Variants in PCDHGC3 observed in about 807,000 individuals in gnomAD.
PCDHGC3 encodes protocadherin gamma subfamily C, 3.
PCDHGC3 carries 26 observed loss-of-function variants against 59.2 expected under a neutral mutation model. The observed-to-expected ratio is 0.44, with a 90% CI of 0.32 to 0.61. PCDHGC3 has a LOEUF of 0.61. PCDHGC3 is among the 20% of genes least tolerant of loss of function. The probability of loss-of-function intolerance (pLI) is 0.05; values close to 1 mark genes in which losing one functional copy is unlikely to be tolerated. For missense variants in PCDHGC3, 1,080 were observed against 1,221.8 expected (o/e 0.88, Z 1.73); for synonymous variants, 487 against 519.7 (o/e 0.94, Z 0.86).
chr5:141,491,954 C>CA lies in PCDHGC3; in HGVS notation c.2431-2847dup. 1 of 1,032,920 alleles carries CA rather than the reference C, an allele frequency of 9.7e-7. No homozygotes were observed. Among genetic ancestry groups the CA allele is most frequent in the Non-Finnish European group, 1.3e-6 (1 of 747,262 alleles). 64.0% of individuals were successfully genotyped at this position (1,032,920 alleles called of 1,614,324 possible). A position where few individuals can be genotyped will look rare whatever the true frequency, so the allele number is the denominator to read the frequency against. ...TGGGACCGACCCCCACCCCTACACTCAAAAAAGGCCGGGGCCTCCTTCGAG... is the reference window on the plus strand; with the variant it reads ...TGGGACCGACCCCCACCCCTACACTCAAAAAAAGGCCGGGGCCTCCTTCGAG... On this transcript the variant is annotated intron_variant, in intron 1 of 3. Coordinates refer to ENST00000308177, the MANE Select transcript of PCDHGC3 (RefSeq NM_002588.4). This position sits in a 1 kb window ranked among gnomAD's most constrained non-coding sequence, Gnocchi z 6.9.
Position 141,505,350 on chromosome 5 carries a change from G to A in PCDHGC3, c.2490-43G>A, listed in dbSNP as rs367663588. ...AGAGGACAGGAGGGGCATGAGCTGT[G>A]CCGGCCTGGGAGTCTGTGCTCACCA... On this transcript the variant is annotated intron_variant, in intron 2 of 3. Transcript: ENST00000308177. The A allele has an allele frequency of 4.3e-6, 7 of 1,613,264 alleles. No homozygotes were observed. In the African/African-American group the frequency reaches 6.7e-5, roughly 15 times the overall value.
At chr5:141,510,056 G>C (rs1450505898) in intron 3 of PCDHGC3, among the ~76,000 whole-genome samples, 2 of 152,174 alleles carry the variant, frequency 1.3e-5, no homozygotes. Flanking sequence ...AAGTGATTGT[G>C]CATGTGAAGC....
chr5:141,477,560 T>C lies in PCDHGC3; in HGVS notation c.1444T>C (p.Trp482Arg), dbSNP rs2099412994. The C allele has an allele frequency of 1.2e-6, 2 of 1,614,078 alleles. No homozygotes were observed. Among genetic ancestry groups the C allele is most frequent in the South Asian group, 2.2e-5 (2 of 91,094 alleles). ...PGAPILNLSVWDPDAPQNARL... is the reference protein window; with the variant it reads ...PGAPILNLSVRDPDAPQNARL... ...GGCTCCAATACTAAACCTAAGTGTC[T>C]GGGACCCCGACGCCCCGCAGAATGC... The change falls in exon 1 of 4, where the codon TGG becomes CGG. Residue 482 changes from tryptophan (W) to arginine (R), a missense_variant. Physicochemically the swap from Trp to Arg is moderately radical, Grantham distance 101. Transcript: ENST00000308177. This position sits in a 1 kb window ranked among gnomAD's most constrained non-coding sequence, Gnocchi z 4.9.
chr5:141,492,005 C>T (rs1444993907), intron 1 of PCDHGC3: 2 of 642,268 alleles, frequency 3.1e-6, no homozygotes, highest in Admixed American at 7.4e-5. Flanking sequence ...GGGCGATTTC[C>T]GCGGGTGTCG....
At chr5:141,503,598 C>CAAA (rs765754054) in intron 2 of PCDHGC3, among the ~76,000 whole-genome samples, 1 of 65,748 alleles carries the variant, frequency 1.5e-5, no homozygotes. Context: ...GACTCCAGCT[C>CAAA]AAAAAAAAAA....
In PCDHGC3 at chr5:141,478,295, T is replaced by C. The variant is rs1210224121; in HGVS notation, c.2179T>C (p.Tyr727His). 3.1e-6 allele frequency: 5 copies of C among 1,614,004 alleles called. No homozygotes were observed. The highest frequency in any genetic ancestry group is 2.7e-5 in the African/African-American group (2 of 74,954). The change falls in exon 1 of 4, where the codon TAC becomes CAC. Residue 727 changes from tyrosine (Y) to histidine (H), a missense_variant. Physicochemically the swap from Tyr to His is moderately conservative, Grantham distance 83. Transcript: ENST00000308177. Reference protein sequence around the residue: ...VYKWKQSRDLYRAPVSSLYRT... With the variant: ...VYKWKQSRDLHRAPVSSLYRT... ...CAAGTGGAAGCAGTCTAGAGACCTA[T>C]ACCGAGCCCCGGTGAGCTCACTGTA... is the stretch of plus-strand genomic sequence containing the variant.
Position 141,494,802 on chromosome 5 carries a change from C to T in PCDHGC3, c.2431-5C>T. 5 of 1,614,120 alleles carry T rather than the reference C, an allele frequency of 3.1e-6. No individual in the cohort carries two copies. The highest frequency in any genetic ancestry group is 4.2e-6 in the Non-Finnish European group (5 of 1,180,016). ...TCAGCCCCTTTCCCTCTGTTTTCTC[C>T]ACAGCAAGCCCCGCCCAACACGGAC... is the stretch of plus-strand genomic sequence containing the variant. On this transcript the variant is annotated splice_polypyrimidine_tract_variant and splice_region_variant and intron_variant, in intron 1 of 3. Transcript: ENST00000308177.
chr5:141,477,749 C>A lies in PCDHGC3; in HGVS notation c.1633C>A (p.Pro545Thr), dbSNP rs2099417192. The A allele has an allele frequency of 6.2e-7, 1 of 1,613,786 alleles. No homozygotes were observed. Among genetic ancestry groups the A allele is most frequent in the African/African-American group, 1.3e-5 (1 of 74,928 alleles). ...AGCTCATATCAGCGATGGGGGCACCCCGGTCCTAGCCACCAACATCAGCGT... is the reference window on the plus strand; with the variant it reads ...AGCTCATATCAGCGATGGGGGCACCACGGTCCTAGCCACCAACATCAGCGT... ...LTAHISDGGT[P>T]VLATNISVNI... The change falls in exon 1 of 4, where the codon CCG (proline) becomes ACG (threonine). Residue 545 changes from proline (P) to threonine (T), a missense_variant. Coordinates refer to ENST00000308177, the MANE Select transcript of PCDHGC3 (RefSeq NM_002588.4). This position sits in a 1 kb window ranked among gnomAD's most constrained non-coding sequence, Gnocchi z 4.9.
intron 2 of PCDHGC3, among the ~76,000 whole-genome samples, chr5:141,495,623 C>T (rs990126072): frequency 3.3e-5 from 5 of 152,208 alleles, no homozygotes; most frequent in South Asian, 2.1e-4. Context: ...GCACCTCAGC[C>T]TCAGTCCCTT....
At position 141,476,744 on chromosome 5, in the gene PCDHGC3, CT is replaced by C; in HGVS notation, c.629del (p.Leu210ProfsTer3). ...RALDREREPSLQLVLTALDGG... is the reference protein window; with the variant it reads ...RALDREREPSXQLVLTALDGG... ...CCTGGACCGAGAACGGGAGCCTAGT[CT>C]CCAGTTAGTGCTGACGGCGTTGGAC... is the stretch of plus-strand genomic sequence containing the variant. On this transcript the variant is annotated frameshift_variant, in exon 1 of 4. Coordinates refer to ENST00000308177, the MANE Select transcript of PCDHGC3 (RefSeq NM_002588.4). LOFTEE classifies it high-confidence loss of function. The surrounding 1 kb of genome is among the most constrained non-coding windows in gnomAD (Gnocchi z 7.6). 6.2e-7 allele frequency: 1 copy of C among 1,614,046 alleles called. No homozygotes were observed. Among genetic ancestry groups the C allele is most frequent in the East Asian group, 2.2e-5 (1 of 44,884 alleles).
At position 141,485,336 on chromosome 5, in the gene PCDHGC3, G is replaced by A. The variant is rs755039880; in HGVS notation, c.2430+6790G>A. Reference sequence around the variant, plus strand: ...GAATGTCGCTCAAGATTTCCTGCTGGATACGGACAGTCTGTCAGCTCGCAG... The same window carrying A: ...GAATGTCGCTCAAGATTTCCTGCTGAATACGGACAGTCTGTCAGCTCGCAG... On this transcript the variant is annotated intron_variant, in intron 1 of 3. Transcript: ENST00000308177. The surrounding 1 kb of genome is among the most constrained non-coding windows in gnomAD (Gnocchi z 5.7). 3 of 1,614,176 alleles carry A rather than the reference G, an allele frequency of 1.9e-6. No homozygotes were observed. In the South Asian group the frequency reaches 3.3e-5, roughly 18 times the overall value.
At chr5:141,495,419 C>A (rs1434107823) in intron 2 of PCDHGC3, among the ~76,000 whole-genome samples, 1 of 152,228 alleles carries the variant, frequency 6.6e-6, no homozygotes, top group Non-Finnish European at 1.5e-5. Context: ...CCGGCCCCTC[C>A]TCCCACTGTC....
In PCDHGC3 at chr5:141,486,936, A is replaced by G; in HGVS notation, c.2431-7871A>G. 2 of 1,614,184 alleles carry G rather than the reference A, an allele frequency of 1.2e-6. No individual in the cohort carries two copies. Among genetic ancestry groups the G allele is most frequent in the Non-Finnish European group, 1.7e-6 (2 of 1,180,030 alleles). On this transcript the variant is annotated intron_variant, in intron 1 of 3. Transcript: ENST00000308177. This position sits in a 1 kb window ranked among gnomAD's most constrained non-coding sequence, Gnocchi z 5.0. ...CTGCCTCCATCAGTTGGTGCTGGCC[A>G]CCTAATCACAAAGGTGACTGCTGTG...
intron 2 of PCDHGC3, among the ~76,000 whole-genome samples, chr5:141,499,884 C>T (rs917762715): frequency 2.0e-5 from 3 of 152,014 alleles, no homozygotes; most frequent in Admixed American, 6.5e-5. Flanking sequence ...AACAGGGTTT[C>T]GCCATGTTGG....
chr5:141,496,923 C>T (rs963522127), intron 2 of PCDHGC3, among the ~76,000 whole-genome samples: 9 of 150,728 alleles, frequency 6.0e-5, no homozygotes, highest in East Asian at 1.9e-4. Context: ...CTGTGGTTCA[C>T]GCCTGTAATC....
rs1193620622 is a variant in PCDHGC3, at chr5:141,512,906, G to A, written c.*1733G>A. On this transcript the variant is annotated 3_prime_UTR_variant, in exon 4 of 4. Coordinates refer to ENST00000308177, the MANE Select transcript of PCDHGC3 (RefSeq NM_002588.4). ...CACCCTCTTCCTGTGTCTCACGCAA[G>A]TTTTATACTCTAATATTTATATGGC... 2.0e-5 allele frequency: 3 copies of A among 152,206 alleles called. No homozygotes were observed. Among genetic ancestry groups the A allele is most frequent in the African/African-American group, 7.2e-5 (3 of 41,438 alleles). The allele number at this position is 152,206 out of a possible 1,614,324, so 9.4% of individuals were successfully genotyped here.
At chr5:141,498,321 G>A (rs1477684617) in intron 2 of PCDHGC3, among the ~76,000 whole-genome samples, 2 of 151,722 alleles carry the variant, frequency 1.3e-5, no homozygotes, top group Non-Finnish European at 2.9e-5. Flanking sequence ...CTACACAGAA[G>A]GAAGAGCATT....
In PCDHGC3 at chr5:141,489,120, G is replaced by C; in HGVS notation, c.2431-5687G>C. The C allele has an allele frequency of 1.1e-5, 5 of 445,662 alleles. No homozygotes were observed. Among genetic ancestry groups the C allele is most frequent in the East Asian group, 3.8e-5 (1 of 26,010 alleles). The allele number at this position is 445,662 out of a possible 1,614,324, so 27.6% of individuals were successfully genotyped here. ...AACTGCTGCAAGCAGGCAAACCTCC[G>C]AGCAGTTTTTAAGAGGCTGGAAGGA... On this transcript the variant is annotated intron_variant, in intron 1 of 3. Transcript: ENST00000308177. This position sits in a 1 kb window ranked among gnomAD's most constrained non-coding sequence, Gnocchi z 4.5.
intron 2 of PCDHGC3, among the ~76,000 whole-genome samples, chr5:141,504,947 A>G (rs1595930930): frequency 6.6e-6 from 1 of 152,200 alleles, no homozygotes; most frequent in Non-Finnish European, 1.5e-5. Context: ...GGAATGCACT[A>G]TGTTCAATGC....
Sources: gnomAD v4.1 joint callset for allele counts (sites outside exome capture counted in the v4.1 genomes callset) on GRCh38, gnomAD v4.1.1 for gene constraint, Gnocchi (gnomAD v3.1) non-coding constraint, MANE v1.5 for transcripts, NCBI Gene and HGNC (gene_info 2026-07-23, HGNC 2026-07-21) for gene names.